The following GALNT17 variants were observed in gnomAD, a reference collection of about 807,000 sequenced individuals.
GALNT17 encodes polypeptide N-acetylgalactosaminyltransferase 17.
In GALNT17, 29 loss-of-function variants were observed where a neutral mutation model predicts 63.7. The ratio of observed to expected loss-of-function variants is 0.46; its 90% CI spans 0.34 to 0.62. The LOEUF (loss-of-function observed/expected upper bound fraction) is 0.62, where lower values mean the gene tolerates loss of function less well. Ranked by LOEUF, GALNT17 falls within the 20% of genes least tolerant of loss-of-function variation. GALNT17 has a pLI of 0.01. For missense variants in GALNT17, 603 were observed against 799.6 expected (o/e 0.75, Z 2.97); for synonymous variants, 305 against 318.3 (o/e 0.96, Z 0.45).
intron 9 of GALNT17, among the ~76,000 whole-genome samples, chr7:71,693,213 A>G (rs1791482828): frequency 6.9e-6 from 1 of 145,896 alleles, no homozygotes; most frequent in African/African-American, 2.5e-5. Context: ...GTGTATATAT[A>G]TCTACAATAC....
intron 1 of GALNT17, among the ~76,000 whole-genome samples, chr7:71,289,402 T>C (rs1790936721): frequency 1.3e-5 from 2 of 152,182 alleles, no homozygotes. Context: ...CTTTTTCCTT[T>C]TTCAAGATTT....
chr7:71,652,560 C>T (rs902467560), intron 6 of GALNT17, among the ~76,000 whole-genome samples: 49 of 152,154 alleles, frequency 3.2e-4, no homozygotes, highest in African/African-American at 1.1e-3. Flanking sequence ...TGGTAGGATG[C>T]GAGTAACAAA....
At chr7:71,565,419 C>T (rs970351113) in intron 5 of GALNT17, among the ~76,000 whole-genome samples, 2 of 152,036 alleles carry the variant, frequency 1.3e-5, no homozygotes, top group Non-Finnish European at 2.9e-5. Context: ...TCTTTCCTCT[C>T]TCCTTTCCTC....
chr7:71,553,135 G>A (rs1168048856), intron 5 of GALNT17, among the ~76,000 whole-genome samples: 3 of 151,936 alleles, frequency 2.0e-5, no homozygotes, highest in African/African-American at 7.3e-5. Context: ...GACCACCCTG[G>A]GCAACATAGC....
At chr7:71,345,668 T>C (rs1409282945) in intron 2 of GALNT17, among the ~76,000 whole-genome samples, 1 of 152,144 alleles carries the variant, frequency 6.6e-6, no homozygotes, top group Non-Finnish European at 1.5e-5. Flanking sequence ...TCTGTGTGCA[T>C]GTGACTCGTA....
At chr7:71,541,637 G>A (rs143295256) in intron 5 of GALNT17, among the ~76,000 whole-genome samples, 44 of 152,124 alleles carry the variant, frequency 2.9e-4, no homozygotes, top group African/African-American at 8.9e-4. Flanking sequence ...CTCTGCCCCC[G>A]GCTTCACCTC....
intron 1 of GALNT17, among the ~76,000 whole-genome samples, chr7:71,171,921 C>T (rs564195121): frequency 3.3e-5 from 5 of 152,200 alleles, no homozygotes; most frequent in Admixed American, 1.3e-4. Flanking sequence ...TTTGACTTTC[C>T]GTCGTTTGAG....
chr7:71,141,280 T>A (rs1253000670), intron 1 of GALNT17, among the ~76,000 whole-genome samples: 1 of 151,132 alleles, frequency 6.6e-6, no homozygotes, highest in Non-Finnish European at 1.5e-5. Flanking sequence ...GGCAGGAGAA[T>A]CACTTGAACC....
intron 5 of GALNT17, among the ~76,000 whole-genome samples, chr7:71,533,735 G>A (rs1045712689): frequency 2.6e-5 from 4 of 152,186 alleles, no homozygotes; most frequent in Non-Finnish European, 5.9e-5. Flanking sequence ...CTCACGGAAA[G>A]CCAATCACTG....
At chr7:71,567,747 G>A (rs1239554290) in intron 5 of GALNT17, among the ~76,000 whole-genome samples, 1 of 152,208 alleles carries the variant, frequency 6.6e-6, no homozygotes, top group African/African-American at 2.4e-5. Flanking sequence ...ACAGGTGTGA[G>A]CCACCGCACC....
At chr7:71,666,724 T>C (rs949384023) in intron 7 of GALNT17, among the ~76,000 whole-genome samples, 1 of 152,256 alleles carries the variant, frequency 6.6e-6, no homozygotes, top group African/African-American at 2.4e-5. Context: ...AATTTATTTC[T>C]TTTTATGGCT....
At chr7:71,601,980 A>T (rs952408555) in intron 6 of GALNT17, among the ~76,000 whole-genome samples, 16 of 152,180 alleles carry the variant, frequency 1.1e-4, no homozygotes, top group Non-Finnish European at 2.1e-4. Context: ...TGAGATGGGA[A>T]CAGACTGGGC....
intron 6 of GALNT17, among the ~76,000 whole-genome samples, chr7:71,662,288 G>A (rs571179961): frequency 2.6e-5 from 4 of 151,064 alleles, no homozygotes; most frequent in South Asian, 4.2e-4. Flanking sequence ...TGAGATTCAC[G>A]CCCGAATCTA....
At chr7:71,374,632 G>C (rs1456105022) in intron 2 of GALNT17, among the ~76,000 whole-genome samples, 1 of 152,218 alleles carries the variant, frequency 6.6e-6, no homozygotes, top group East Asian at 1.9e-4. Context: ...AAAGGATGTG[G>C]AGACGTGGAA....
chr7:71,447,110 C>G (rs1787175579), intron 5 of GALNT17, among the ~76,000 whole-genome samples: 1 of 152,168 alleles, frequency 6.6e-6, no homozygotes, highest in South Asian at 2.1e-4. Context: ...CAATTCAATT[C>G]AATTATGACA....
intron 5 of GALNT17, among the ~76,000 whole-genome samples, chr7:71,494,722 C>T (rs1176767390): frequency 5.9e-5 from 9 of 151,800 alleles, no homozygotes; most frequent in Non-Finnish European, 2.9e-5. Context: ...CTAATAAAGA[C>T]ATACCTGAGA....
intron 2 of GALNT17, among the ~76,000 whole-genome samples, chr7:71,356,280 G>A (rs1792283670): frequency 6.6e-6 from 1 of 152,158 alleles, no homozygotes; most frequent in Admixed American, 6.5e-5. Flanking sequence ...TTGTTGATTT[G>A]CAATGATTCA....
At chr7:71,361,879 T>G (rs1489439139) in intron 2 of GALNT17, among the ~76,000 whole-genome samples, 2 of 152,048 alleles carry the variant, frequency 1.3e-5, no homozygotes, top group Non-Finnish European at 1.5e-5. Context: ...GTTTATGTGA[T>G]TGAACTACGG....
chr7:71,293,560 C>T (rs1052561632), intron 1 of GALNT17, among the ~76,000 whole-genome samples: 4 of 151,986 alleles, frequency 2.6e-5, no homozygotes, highest in African/African-American at 4.8e-5. Context: ...TTCTTTTTTG[C>T]TGTTGAGTTC....
Sources: gnomAD v4.1 joint callset for allele counts (sites outside exome capture counted in the v4.1 genomes callset) on GRCh38, gnomAD v4.1.1 for gene constraint, MANE v1.5 for transcripts, NCBI Gene and HGNC (gene_info 2026-07-23, HGNC 2026-07-21) for gene names.